The following DYNC2H1 variants were observed in gnomAD, a reference collection of about 807,000 sequenced individuals.
DYNC2H1 encodes the protein dynein cytoplasmic 2 heavy chain 1.
DYNC2H1 carries 410 observed loss-of-function variants against 570.0 expected under a neutral mutation model. The observed-to-expected ratio is 0.72, with a 90% CI of 0.66 to 0.78. The LOEUF is 0.78. Among genes scored for constraint, DYNC2H1 ranks in the 30% least tolerant of loss-of-function variants. The probability of loss-of-function intolerance (pLI) is 0.00; values close to 1 mark genes in which losing one functional copy is unlikely to be tolerated. For synonymous variants in DYNC2H1, 1,688 were observed against 1,677.6 expected, an observed-to-expected ratio of 1.01 and a Z score of -0.15; for missense variants, 4,865 against 5,046.4, an observed-to-expected ratio of 0.96 and a Z score of 1.09.
At chr11:103,314,054 C>A (rs1031380347) in intron 79 of DYNC2H1, among the ~76,000 whole-genome samples, 1 of 152,004 alleles carries the variant, frequency 6.6e-6, no homozygotes, top group African/African-American at 2.4e-5. Context: ...AGAAAAGTTA[C>A]ATTAAAAATT....
intron 85 of DYNC2H1, among the ~76,000 whole-genome samples, chr11:103,452,483 CCT>C (rs1357554514): frequency 2.0e-5 from 3 of 151,792 alleles, no homozygotes; most frequent in African/African-American, 7.3e-5. Context: ...ATAGGATTAG[CCT>C]CTGACTTCTA....
In DYNC2H1 at chr11:103,243,729, C is replaced by T. The variant is rs1864506230; in HGVS notation, c.9856C>T (p.Gln3286Ter). 1.9e-6 allele frequency: 3 copies of T among 1,606,262 alleles called. No individual in the cohort carries two copies. Among genetic ancestry groups the T allele is most frequent in the African/African-American group, 2.7e-5 (2 of 74,602 alleles). ...VCPFLIDPSS[Q>*]ATEWLKTHLK... Reference sequence around the variant, plus strand: ...CCCATTTCTTATAGATCCTTCTTCCCAAGCTACAGAGTGGTTAAAAACACA... The same window carrying T: ...CCCATTTCTTATAGATCCTTCTTCCTAAGCTACAGAGTGGTTAAAAACACA... Residue 3286 changes from glutamine (Q) to a stop codon, truncating the protein, a stop_gained, in exon 64 of 89, where the codon CAA becomes TAA. Coordinates refer to ENST00000375735, the MANE Select transcript of DYNC2H1 (RefSeq NM_001377.3). LOFTEE classifies it high-confidence loss of function. The surrounding 1 kb of genome is among the most constrained non-coding windows in gnomAD (Gnocchi z 4.8).
chr11:103,222,191 A>T lies in DYNC2H1; in HGVS notation c.9231+38A>T, dbSNP rs546126475. 3.7e-6 allele frequency: 5 copies of T among 1,369,860 alleles called. No homozygotes were observed. The South Asian group carries it at 5.7e-5, about 16-fold the overall frequency. The allele number at this position is 1,369,860 out of a possible 1,614,324, so 84.9% of individuals were successfully genotyped here. A position where few individuals can be genotyped will look rare whatever the true frequency, so the allele number is the denominator to read the frequency against. On this transcript the variant is annotated intron_variant, in intron 58 of 88. Transcript: ENST00000375735. The stretch of plus-strand genomic sequence containing the variant: ...TTATACTATAAATTTGTTTTTCCAT[A>T]CCATATAATATTCTGCTTTTTAAAA...
At chr11:103,251,477 C>G (rs896022639) in intron 65 of DYNC2H1, among the ~76,000 whole-genome samples, 1 of 152,152 alleles carries the variant, frequency 6.6e-6, no homozygotes, top group African/African-American at 2.4e-5. Flanking sequence ...TCATAAAATG[C>G]TTTTCTGTCG....
At chr11:103,226,026 T>G (rs965348213) in intron 59 of DYNC2H1, among the ~76,000 whole-genome samples, 1 of 152,084 alleles carries the variant, frequency 6.6e-6, no homozygotes, top group Non-Finnish European at 1.5e-5. Context: ...TTGCAGTTGG[T>G]GTATAGCAGA....
intron 85 of DYNC2H1, among the ~76,000 whole-genome samples, chr11:103,449,105 A>AAGAGAGTTTC (rs1162048696): frequency 6.6e-6 from 1 of 152,224 alleles, no homozygotes; most frequent in Admixed American, 6.5e-5. Flanking sequence ...TGTCTGGTAG[A>AAGAGAGTTTC]AGAGAGTTTC....
chr11:103,412,847 A>G (rs1437925286), intron 84 of DYNC2H1, among the ~76,000 whole-genome samples: 2 of 152,196 alleles, frequency 1.3e-5, no homozygotes, highest in Non-Finnish European at 2.9e-5. Context: ...AGATGTATGA[A>G]GTTAATATCT....
chr11:103,196,955 G>A (rs994539232), intron 47 of DYNC2H1, among the ~76,000 whole-genome samples: 1 of 152,088 alleles, frequency 6.6e-6, no homozygotes. Flanking sequence ...TTTTAGGGGA[G>A]TTTGGAACTG....
rs1222714681 is a variant in DYNC2H1 at position 103,117,864 on chromosome 11, G to A, written c.999+1G>A. 2.5e-6 allele frequency: 4 copies of A among 1,605,590 alleles called. No individual in the cohort carries two copies. Among genetic ancestry groups the A allele is most frequent in the South Asian group, 2.2e-5 (2 of 90,052 alleles). ...CAAACTTGGCAAACGCCTTGAAGAGGTATCAATTTGATTATCTAGATCTTT... is the reference window on the plus strand; with the variant it reads ...CAAACTTGGCAAACGCCTTGAAGAGATATCAATTTGATTATCTAGATCTTT... On this transcript the variant is annotated splice_donor_variant, in intron 6 of 88. Transcript: ENST00000375735. LOFTEE classifies it high-confidence loss of function.
chr11:103,377,126 C>G (rs1391793110), intron 83 of DYNC2H1, among the ~76,000 whole-genome samples: 1 of 152,156 alleles, frequency 6.6e-6, no homozygotes, highest in South Asian at 2.1e-4. Flanking sequence ...GCCTTTTGAG[C>G]TTCTTGCATC....
rs1432745420 is a variant in DYNC2H1, at chr11:103,211,667, C to T, written c.8540-122C>T. On this transcript the variant is annotated intron_variant, in intron 53 of 88. Coordinates refer to ENST00000375735, the MANE Select transcript of DYNC2H1 (RefSeq NM_001377.3). Reference sequence around the variant, plus strand: ...GCATCTTTAAGCAAAGATGCTATCTCATATTTATAACTATATAGCATGGAA... The same window carrying T: ...GCATCTTTAAGCAAAGATGCTATCTTATATTTATAACTATATAGCATGGAA... 7.2e-6 allele frequency: 3 copies of T among 418,188 alleles called. No individual in the cohort carries two copies. The East Asian group carries it at 1.1e-4, about 15-fold the overall frequency. 25.9% of individuals were successfully genotyped at this position (418,188 alleles called of 1,614,324 possible).
chr11:103,388,266 T>C (rs989923728), intron 83 of DYNC2H1, among the ~76,000 whole-genome samples: 2 of 152,138 alleles, frequency 1.3e-5, no homozygotes, highest in Admixed American at 6.5e-5. Context: ...TTTGAAGCAA[T>C]TGTGAATGGG....
At chr11:103,192,680 C>T (rs1862366018) in intron 47 of DYNC2H1, among the ~76,000 whole-genome samples, 1 of 152,188 alleles carries the variant, frequency 6.6e-6, no homozygotes, top group Non-Finnish European at 1.5e-5. Context: ...CTTACATATG[C>T]TTGTTACCAT....
chr11:103,259,817 A>G, intron 69 of DYNC2H1, 71 bp from the exon 70 acceptor site: 3 of 1,040,788 alleles, frequency 2.9e-6, no homozygotes, highest in Non-Finnish European at 4.2e-6. Flanking sequence ...TTGAATCTGG[A>G]GGAACAATTT....
At chr11:103,219,272 A>C (rs1048420375) in intron 55 of DYNC2H1, among the ~76,000 whole-genome samples, 4 of 152,230 alleles carry the variant, frequency 2.6e-5, no homozygotes, top group African/African-American at 9.6e-5. Flanking sequence ...AAAGATGTTC[A>C]ACCTCATCAA....
chr11:103,413,503 C>T (rs986230976), intron 84 of DYNC2H1, among the ~76,000 whole-genome samples: 5 of 152,132 alleles, frequency 3.3e-5, no homozygotes, highest in Admixed American at 2.0e-4. Context: ...CCTGGTAGAG[C>T]ATTAAAGCCT....
chr11:103,227,474 A>C (rs1442928958), intron 59 of DYNC2H1, among the ~76,000 whole-genome samples: 2 of 152,100 alleles, frequency 1.3e-5, no homozygotes, highest in South Asian at 2.1e-4. Context: ...TTTAATTTCC[A>C]CATATTTGCA....
chr11:103,309,615 A>G (rs1228490510), intron 78 of DYNC2H1, among the ~76,000 whole-genome samples: 1 of 152,022 alleles, frequency 6.6e-6, no homozygotes, highest in African/African-American at 2.4e-5. Context: ...TATTAGAAAT[A>G]TTTTAATTGA....
chr11:103,438,768 G>T (rs1323349682), intron 85 of DYNC2H1, among the ~76,000 whole-genome samples: 1 of 152,098 alleles, frequency 6.6e-6, no homozygotes, highest in Non-Finnish European at 1.5e-5. Context: ...TGAAGTACTG[G>T]AGATATCAGG....
Sources: allele counts gnomAD v4.1 joint callset (sites outside exome capture counted in the v4.1 genomes callset), GRCh38; gene constraint gnomAD v4.1.1; non-coding constraint Gnocchi (gnomAD v3.1); transcripts MANE v1.5; gene names NCBI Gene and HGNC (gene_info 2026-07-23, HGNC 2026-07-21).